The following MPP7 variants were observed in gnomAD, a reference collection of about 807,000 sequenced individuals.
The protein encoded by MPP7 is MAGUK p55 subfamily member 7.
MPP7 carries 60 observed loss-of-function variants against 76.5 expected under a neutral mutation model. The ratio of observed to expected loss-of-function variants is 0.78; its 90% CI spans 0.64 to 0.97. The LOEUF (loss-of-function observed/expected upper bound fraction) is 0.97. MPP7 is among the 50% of genes least tolerant of loss of function. The probability of loss-of-function intolerance (pLI) is 0.00; values close to 1 mark genes in which losing one functional copy is unlikely to be tolerated. For synonymous variants in MPP7, 237 were observed against 244.5 expected (o/e 0.97, Z 0.29); for missense variants, 641 against 694.0 (o/e 0.92, Z 0.86).
chr10:28,157,514 TG>T (rs1836107339), intron 3 of MPP7, among the ~76,000 whole-genome samples: 1 of 152,240 alleles, frequency 6.6e-6, no homozygotes, highest in Non-Finnish European at 1.5e-5. Flanking sequence ...AACCATAAAC[TG>T]GTTGTCACTT....
At position 28,111,876 on chromosome 10, in the gene MPP7, AC is replaced by A. The variant is rs1241919672; in HGVS notation, c.952+7774del. 4.6e-5 allele frequency among the ~76,000 whole-genome samples: 7 copies of A among 152,348 alleles called. No homozygotes were observed. In the East Asian group the frequency reaches 1.3e-3, roughly 29 times the overall value. ...GGCAAATCTAACTATGAGTCAAGGT[AC>A]AAAGCATTTCACTACAATGACCTCA... On this transcript the variant is annotated intron_variant, in intron 11 of 16. Coordinates refer to ENST00000683449, the MANE Select transcript of MPP7 (RefSeq NM_001318170.2).
At chr10:28,084,891 A>C (rs1852929971) in intron 12 of MPP7, among the ~76,000 whole-genome samples, 1 of 152,328 alleles carries the variant, frequency 6.6e-6, no homozygotes, top group African/African-American at 2.4e-5. Flanking sequence ...GTGCAGAATT[A>C]GCGTGTAGGA....
intron 12 of MPP7, among the ~76,000 whole-genome samples, chr10:28,075,662 T>C (rs1852450372): frequency 6.6e-6 from 1 of 152,174 alleles, no homozygotes; most frequent in Non-Finnish European, 1.5e-5. Context: ...TGCACACTCC[T>C]GTCTTCTCAC....
Position 28,116,388 on chromosome 10 carries a change from C to A in MPP7, c.952+3263G>T, listed in dbSNP as rs566831359. On this transcript the variant is annotated intron_variant, in intron 11 of 16. Transcript: ENST00000683449. The stretch of plus-strand genomic sequence containing the variant: ...ATTATATTGACACAAGAAATGCAAG[C>A]TGCCAAGTTCCTGTCATGCAAAAGT... 1.1e-4 allele frequency among the ~76,000 whole-genome samples: 17 copies of A among 152,214 alleles called. No homozygotes were observed. The South Asian group carries it at 3.5e-3, about 32-fold the overall frequency.
At chr10:28,189,040 C>A (rs1837323152) in intron 3 of MPP7, among the ~76,000 whole-genome samples, 1 of 151,960 alleles carries the variant, frequency 6.6e-6, no homozygotes, top group South Asian at 2.1e-4. Flanking sequence ...GGAAGGACAT[C>A]AGAGAAAAAA....
intron 12 of MPP7, among the ~76,000 whole-genome samples, chr10:28,089,005 A>G (rs1853156391): frequency 6.6e-6 from 1 of 152,126 alleles, no homozygotes; most frequent in African/African-American, 2.4e-5. Flanking sequence ...CCTCCTGAGT[A>G]GCTCGGACTA....
chr10:28,183,109 G>T (rs1837113008), intron 3 of MPP7, among the ~76,000 whole-genome samples: 1 of 152,018 alleles, frequency 6.6e-6, no homozygotes, highest in Non-Finnish European at 1.5e-5. Flanking sequence ...AGCAAGTTGA[G>T]GAAAGAGGAA....
intron 2 of MPP7, among the ~76,000 whole-genome samples, chr10:28,218,550 T>C (rs1399167907): frequency 6.6e-6 from 1 of 152,104 alleles, no homozygotes; most frequent in African/African-American, 2.4e-5. Flanking sequence ...TTCAAACATA[T>C]GTTAGTCACA....
At chr10:28,055,910 C>A (rs1255276559) in intron 16 of MPP7, among the ~76,000 whole-genome samples, 1 of 152,094 alleles carries the variant, frequency 6.6e-6, no homozygotes, top group Non-Finnish European at 1.5e-5. Flanking sequence ...ATCCATTCAC[C>A]AAAGCACAAG....
intron 2 of MPP7, among the ~76,000 whole-genome samples, chr10:28,226,737 A>C (rs1016025077): frequency 1.3e-5 from 2 of 152,348 alleles, no homozygotes; most frequent in Middle Eastern, 6.8e-3. Flanking sequence ...CTTAAAAATG[A>C]AAAATAAACT....
intron 1 of MPP7, among the ~76,000 whole-genome samples, chr10:28,251,100 T>C (rs1839598779): frequency 6.6e-6 from 1 of 152,198 alleles, no homozygotes; most frequent in Non-Finnish European, 1.5e-5. Flanking sequence ...AAACTAAAAA[T>C]AAACACCCAA....
At chr10:28,312,316 AT>A (rs1205468208) in intron 2 of MPP7, among the ~76,000 whole-genome samples, 5 of 152,068 alleles carry the variant, frequency 3.3e-5, no homozygotes, top group Non-Finnish European at 7.3e-5. Flanking sequence ...TGATTGGTGC[AT>A]TTTACAGAGT....
intron 1 of MPP7, among the ~76,000 whole-genome samples, chr10:28,272,697 T>G (rs1185043864): frequency 1.3e-5 from 2 of 152,176 alleles, no homozygotes; most frequent in African/African-American, 4.8e-5. Flanking sequence ...TATACACTGT[T>G]GATTTTTAAA....
chr10:28,069,826 G>A lies in MPP7; in HGVS notation c.1150C>T (p.Leu384=), dbSNP rs757328865. ...TCACTGATCAGCAGCTTTCGTTTCA[G>A]TTCATTCAGCCCTACTCCCACGGGA... ...VGPVGVGLNE[L]KRKLLISDTQ... The change falls in exon 13 of 17, where the codon CTG becomes TTG. Residue 384 remains leucine (L), a synonymous_variant. Transcript: ENST00000683449. 1.2e-6 allele frequency: 2 copies of A among 1,613,894 alleles called. No individual in the cohort carries two copies. Among genetic ancestry groups the A allele is most frequent in the South Asian group, 2.2e-5 (2 of 91,026 alleles).
chr10:28,103,075 C>A (rs563056463), intron 11 of MPP7, among the ~76,000 whole-genome samples: 1 of 152,214 alleles, frequency 6.6e-6, no homozygotes, highest in East Asian at 1.9e-4. Flanking sequence ...ATCTTTAGGG[C>A]CTTTGCACAC....
chr10:28,307,387 C>G (rs531125579), upstream of MPP7, among the ~76,000 whole-genome samples: 1 of 152,272 alleles, frequency 6.6e-6, no homozygotes, highest in South Asian at 2.1e-4. Flanking sequence ...AGTGTACCTC[C>G]TGACATCAAT....
intron 3 of MPP7, among the ~76,000 whole-genome samples, chr10:28,162,346 C>A (rs1039083166): frequency 6.6e-6 from 1 of 152,088 alleles, no homozygotes; most frequent in Non-Finnish European, 1.5e-5. Context: ...ATATACAGTA[C>A]AAATTTTTTT....
At chr10:28,184,831 CAT>C (rs1275900295) in intron 3 of MPP7, among the ~76,000 whole-genome samples, 2 of 102,748 alleles carry the variant, frequency 1.9e-5, no homozygotes, top group African/African-American at 2.7e-5. Flanking sequence ...TTAAGGTAAA[CAT>C]ATCTATTTAT....
chr10:28,058,165 T>C (rs1035442026), intron 15 of MPP7, among the ~76,000 whole-genome samples: 4 of 152,218 alleles, frequency 2.6e-5, no homozygotes, highest in African/African-American at 9.6e-5. Flanking sequence ...GAATGCATTA[T>C]GCATGTAACA....
Sources: gnomAD v4.1 joint callset for allele counts (sites outside exome capture counted in the v4.1 genomes callset) on GRCh38, gnomAD v4.1.1 for gene constraint, MANE v1.5 for transcripts, NCBI Gene and HGNC (gene_info 2026-07-23, HGNC 2026-07-21) for gene names.